The following CCDC191 variants were observed in gnomAD, a reference collection of about 807,000 sequenced individuals.
CCDC191 encodes coiled-coil domain-containing protein 191.
CCDC191 carries 99 observed loss-of-function variants against 114.0 expected under a neutral mutation model. That is an observed-to-expected ratio of 0.87 (90% CI 0.74 to 1.03). The LOEUF (loss-of-function observed/expected upper bound fraction) is 1.03, where lower values mean the gene tolerates loss of function less well. CCDC191 is among the 50% of genes least tolerant of loss of function. The pLI is 0.00. For missense variants in CCDC191, 973 were observed against 1,087.0 expected (o/e 0.90, Z 1.47); for synonymous variants, 351 against 376.0 (o/e 0.93, Z 0.77).
At chr3:114,043,933 T>C (rs545116435) in intron 3 of CCDC191, among the ~76,000 whole-genome samples, 1 of 152,166 alleles carries the variant, frequency 6.6e-6, no homozygotes. Flanking sequence ...GCAAGGATGA[T>C]GATGCCATTT....
chr3:113,968,906 GTTTAT>G (rs1310109255), intron 16 of CCDC191, among the ~76,000 whole-genome samples: 1 of 152,016 alleles, frequency 6.6e-6, no homozygotes, highest in Non-Finnish European at 1.5e-5. Context: ...AAAAAAAGAG[GTTTAT>G]TGGACTTGCA....
chr3:114,033,690 G>T (rs1317425790), intron 6 of CCDC191, among the ~76,000 whole-genome samples: 4 of 152,188 alleles, frequency 2.6e-5, no homozygotes, highest in African/African-American at 9.7e-5. Flanking sequence ...ATTTATTTTA[G>T]GTCAACCTAG....
chr3:113,968,657 G>A (rs1940479227), intron 16 of CCDC191, among the ~76,000 whole-genome samples: 1 of 145,692 alleles, frequency 6.9e-6, no homozygotes, highest in Non-Finnish European at 1.5e-5. Flanking sequence ...ATGGGGTTTT[G>A]CCATGTTGCC....
At chr3:113,996,206 T>C (rs761285232) in intron 13 of CCDC191, among the ~76,000 whole-genome samples, 1 of 152,224 alleles carries the variant, frequency 6.6e-6, no homozygotes, top group Admixed American at 6.5e-5. Context: ...CTGAATGGTA[T>C]TGCCTAAATT....
Position 113,965,317 on chromosome 3 carries a change from T to C in CCDC191, c.2649A>G (p.Val883=), listed in dbSNP as rs1559860693. 2 of 1,610,442 alleles carry C rather than the reference T, an allele frequency of 1.2e-6. No homozygotes were observed. Among genetic ancestry groups the C allele is most frequent in the Non-Finnish European group, 8.5e-7 (1 of 1,178,436 alleles). ...TTACTCTTTCCTCTTTCATAAATTT[T>C]ACAAACTTCTTCCATGTCCGAAGGG... The part of the protein sequence containing the change: ...WITLRTWKKF[V]KFMKEERVKE... The change falls in exon 17 of 17, where the codon GTA becomes GTG. Residue 883 remains valine, a synonymous_variant. Coordinates refer to ENST00000295878, the MANE Select transcript of CCDC191 (RefSeq NM_020817.2).
At chr3:114,006,602 ATATATATATATATATAAATATATATATTT>A (rs1171345788) in intron 9 of CCDC191, among the ~76,000 whole-genome samples, 3 of 133,498 alleles carry the variant, frequency 2.2e-5, no homozygotes, top group East Asian at 2.3e-4. Flanking sequence ...ATATATATAT[ATATATATATATATATAAATATATATATTT>A]TATATATAAA....
intron 7 of CCDC191, among the ~76,000 whole-genome samples, chr3:114,022,137 A>G (rs750781972): frequency 6.6e-6 from 1 of 152,154 alleles, no homozygotes; most frequent in African/African-American, 2.4e-5. Flanking sequence ...CCTCCCCACA[A>G]AATCTTCCAC....
intron 13 of CCDC191, among the ~76,000 whole-genome samples, chr3:113,985,768 A>G (rs2075332285): frequency 6.6e-6 from 1 of 152,254 alleles, no homozygotes; most frequent in Non-Finnish European, 1.5e-5. Flanking sequence ...TGATGTCTAC[A>G]GCATACAGCA....
chr3:114,005,760 GT>G lies in CCDC191; in HGVS notation c.1615del (p.Thr539LeufsTer24). 1 of 1,614,160 alleles carries G rather than the reference GT, an allele frequency of 6.2e-7. No homozygotes were observed. The highest frequency in any genetic ancestry group is 8.5e-7 in the Non-Finnish European group (1 of 1,180,018). ...AAGCGGTTCTGCTTTCTGGCTGGTA[GT>G]TCTGAGTGTCTCGTTGCTGCCAGGC... ...QQPGSNETLR[T>X]TSQKAEPLCL... On this transcript the variant is annotated frameshift_variant, in exon 10 of 17. Transcript: ENST00000295878. LOFTEE classifies it high-confidence loss of function.
At chr3:114,028,921 T>C (rs2107720535) in intron 7 of CCDC191, among the ~76,000 whole-genome samples, 1 of 151,222 alleles carries the variant, frequency 6.6e-6, no homozygotes, top group Non-Finnish European at 1.5e-5. Flanking sequence ...TGTGTGTGTA[T>C]ATGTATGTTA....
chr3:114,025,247 A>C (rs1285288386), intron 7 of CCDC191, among the ~76,000 whole-genome samples: 2 of 142,748 alleles, frequency 1.4e-5, no homozygotes, highest in Non-Finnish European at 3.1e-5. Context: ...CTCCTTCCTC[A>C]TTTCAACTTA....
At chr3:113,985,316 C>T (rs918763418) in intron 13 of CCDC191, among the ~76,000 whole-genome samples, 4 of 152,150 alleles carry the variant, frequency 2.6e-5, no homozygotes, top group African/African-American at 9.7e-5. Flanking sequence ...CAACCCAGTA[C>T]ACTGGCAGAT....
At chr3:114,032,682 T>TA (rs1419703034) in intron 6 of CCDC191, among the ~76,000 whole-genome samples, 1 of 152,164 alleles carries the variant, frequency 6.6e-6, no homozygotes, top group African/African-American at 2.4e-5. Flanking sequence ...TCATATATGT[T>TA]ACAGAGGGTA....
chr3:114,037,976 GTGGAACGAT>G (rs1191284758), intron 4 of CCDC191, among the ~76,000 whole-genome samples: 3 of 152,206 alleles, frequency 2.0e-5, no homozygotes, highest in Non-Finnish European at 2.9e-5. Context: ...ATGTGTAGGA[GTGGAACGAT>G]TGGATCATAT....
At chr3:114,039,134 G>A (rs1011152560) in intron 4 of CCDC191, among the ~76,000 whole-genome samples, 3 of 152,020 alleles carry the variant, frequency 2.0e-5, no homozygotes, top group Non-Finnish European at 2.9e-5. Context: ...ACTTGATAAT[G>A]ATAATAACAA....
rs564251433 is a variant in CCDC191 at position 114,022,552 on chromosome 3, C to A, written c.973-3684G>T. Among the ~76,000 whole-genome samples the A allele has an allele frequency of 9.9e-5, 15 of 152,230 alleles. No individual in the cohort carries two copies. The South Asian group carries it at 3.1e-3, about 32-fold the overall frequency. On this transcript the variant is annotated intron_variant, in intron 7 of 16. Coordinates refer to ENST00000295878, the MANE Select transcript of CCDC191 (RefSeq NM_020817.2). ...TTGCTGAATGGAACTAACTTTGGTG[C>A]AACTAATGGTCTAGGGAAGTTGGCA...
chr3:114,001,381 G>T (rs1375109591), intron 13 of CCDC191, among the ~76,000 whole-genome samples: 3 of 152,150 alleles, frequency 2.0e-5, no homozygotes, highest in Non-Finnish European at 4.4e-5. Context: ...AGAGGAGGGT[G>T]GGCAGGGCAG....
At chr3:114,010,161 A>AT (rs1418040822) in intron 9 of CCDC191, among the ~76,000 whole-genome samples, 6 of 152,160 alleles carry the variant, frequency 3.9e-5, no homozygotes, top group Admixed American at 2.0e-4. Flanking sequence ...GGAAAAAAAA[A>AT]CATGGCCTTC....
At chr3:113,987,682 T>C (rs1348895973) in intron 13 of CCDC191, among the ~76,000 whole-genome samples, 21 of 152,162 alleles carry the variant, frequency 1.4e-4, no homozygotes, top group Admixed American at 1.2e-3. Context: ...TACAGGTACA[T>C]GCTACGACAC....
Sources: allele counts gnomAD v4.1 joint callset (sites outside exome capture counted in the v4.1 genomes callset), GRCh38; gene constraint gnomAD v4.1.1; transcripts MANE v1.5; gene names NCBI Gene and HGNC (gene_info 2026-07-23, HGNC 2026-07-21).